NTM: variants seen among roughly 807,000 people sequenced by gnomAD.
NTM encodes IgLON family member 2.
A neutral mutation model predicts 42.1 loss-of-function variants in NTM; 13 were observed. That is an observed-to-expected ratio of 0.31 (90% CI 0.20 to 0.49). NTM has a LOEUF of 0.49. NTM is among the 20% of genes least tolerant of loss of function. NTM has a pLI of 0.99. For synonymous variants in NTM, 187 were observed against 179.2 expected (o/e 1.04, Z -0.35); for missense variants, 373 against 452.8 (o/e 0.82, Z 1.60).
intron 2 of NTM, among the ~76,000 whole-genome samples, chr11:132,095,991 G>A (rs1290117766): frequency 6.6e-6 from 1 of 152,178 alleles, no homozygotes; most frequent in African/African-American, 2.4e-5. Flanking sequence ...CGCTGTGGGA[G>A]GAAGCAGGAT....
intron 1 of NTM, among the ~76,000 whole-genome samples, chr11:131,635,541 A>G (rs1374465053): frequency 1.3e-5 from 2 of 152,190 alleles, no homozygotes; most frequent in African/African-American, 4.8e-5. Flanking sequence ...AAGTACTAAT[A>G]TTACTATAAA....
intron 1 of NTM, among the ~76,000 whole-genome samples, chr11:131,617,933 G>A (rs1027070336): frequency 2.0e-5 from 3 of 152,170 alleles, no homozygotes; most frequent in African/African-American, 7.2e-5. Flanking sequence ...GAGATGGACA[G>A]GGAGGGGGCT....
chr11:131,834,997 A>T (rs1000538102), intron 1 of NTM, among the ~76,000 whole-genome samples: 8 of 152,150 alleles, frequency 5.3e-5, no homozygotes, highest in African/African-American at 1.7e-4. Flanking sequence ...CAGCTTTAAC[A>T]TTCTTACTAT....
intron 1 of NTM, among the ~76,000 whole-genome samples, chr11:131,720,369 C>A (rs766616636): frequency 6.6e-6 from 1 of 152,126 alleles, no homozygotes; most frequent in Non-Finnish European, 1.5e-5. Flanking sequence ...TACCTTTGGA[C>A]AGGGCTATAA....
chr11:131,928,243 G>T (rs2134051565), intron 2 of NTM, among the ~76,000 whole-genome samples: 1 of 152,254 alleles, frequency 6.6e-6, no homozygotes, highest in Middle Eastern at 3.4e-3. Context: ...TTACAGCATG[G>T]CTAGATACTT....
Position 131,435,016 on chromosome 11 carries a change from A to T in NTM, c.82+64128A>T, listed in dbSNP as rs140587085. ...TTCAGCTTTCTACATATGACTAGCC[A>T]GTTTTCCCAGCACCATTTATTAAAT... On this transcript the variant is annotated intron_variant, in intron 1 of 8. Transcript: ENST00000683400. Among the ~76,000 whole-genome samples the T allele has an allele frequency of 3.5e-3, 531 of 152,320 alleles. 5 individuals are homozygous for T. The highest frequency in any genetic ancestry group is 0.011 in the African/African-American group (467 of 41,578).
Position 132,046,134 on chromosome 11 carries a change from C to T in NTM, c.168-100148C>T, listed in dbSNP as rs936916861. 1.5e-4 allele frequency among the ~76,000 whole-genome samples: 23 copies of T among 152,078 alleles called. 1 individual carries two copies. Among genetic ancestry groups the T allele is most frequent in the Admixed American group, 1.4e-3 (21 of 15,268 alleles). ...CTGCAAAATGGGGATAATAATAGTG[C>T]TTACTTCCTAGGATGGTAATGAGGA... is the stretch of plus-strand genomic sequence containing the variant. On this transcript the variant is annotated intron_variant, in intron 2 of 8. Transcript: ENST00000683400.
At chr11:131,699,289 C>G (rs1230835994) in intron 1 of NTM, among the ~76,000 whole-genome samples, 2 of 152,138 alleles carry the variant, frequency 1.3e-5, no homozygotes, top group African/African-American at 4.8e-5. Context: ...GAGTTTTTGT[C>G]CACCTACAAT....
chr11:131,693,587 T>C (rs968832786), intron 1 of NTM, among the ~76,000 whole-genome samples: 4 of 152,048 alleles, frequency 2.6e-5, no homozygotes, highest in Non-Finnish European at 5.9e-5. Context: ...CAGGAGAAAA[T>C]TACCCAGCAC....
chr11:132,144,675 A>T (rs373247952), intron 2 of NTM, among the ~76,000 whole-genome samples: 2 of 152,212 alleles, frequency 1.3e-5, no homozygotes, highest in African/African-American at 4.8e-5. Context: ...TGATTCTAAT[A>T]TAAGTAGTCC....
At chr11:132,042,959 T>A (rs1323071950) in intron 2 of NTM, among the ~76,000 whole-genome samples, 1 of 152,172 alleles carries the variant, frequency 6.6e-6, no homozygotes, top group African/African-American at 2.4e-5. Context: ...TAGAGCCATA[T>A]TTCATTTTCT....
intron 2 of NTM, among the ~76,000 whole-genome samples, chr11:131,946,113 A>G (rs952245201): frequency 6.6e-6 from 1 of 152,142 alleles, no homozygotes; most frequent in Non-Finnish European, 1.5e-5. Flanking sequence ...ATCTGGGTAA[A>G]GGGGGAGATA....
At chr11:131,999,947 C>A (rs184417401) in intron 2 of NTM, among the ~76,000 whole-genome samples, 4 of 152,260 alleles carry the variant, frequency 2.6e-5, no homozygotes, top group Admixed American at 1.3e-4. Flanking sequence ...TCCTCCCCTT[C>A]CTGCGTACTA....
At chr11:131,640,465 T>G (rs79875579) in intron 1 of NTM, among the ~76,000 whole-genome samples, 48 of 152,322 alleles carry the variant, frequency 3.2e-4, no homozygotes, top group African/African-American at 1.1e-3. Flanking sequence ...ATCAGCCGTA[T>G]TTTGGTGTTG....
chr11:131,789,472 GAA>G lies in NTM; in HGVS notation c.83-122091_83-122090del, dbSNP rs1309361015. On this transcript the variant is annotated intron_variant, in intron 1 of 8. Transcript: ENST00000683400. Reference sequence around the variant, plus strand: ...AGAAGAAGAAGAAGAAGAAGAAGAAGAAGAAGAAGAAGAAGAAGAGGAAAGAA... The same window carrying G: ...AGAAGAAGAAGAAGAAGAAGAAGAAGGAAGAAGAAGAAGAAGAGGAAAGAA... 2.5e-3 allele frequency among the ~76,000 whole-genome samples: 31 copies of G among 12,250 alleles called. 1 individual carries two copies. Among genetic ancestry groups the G allele is most frequent in the East Asian group, 0.013 (7 of 548 alleles). 8.0% of individuals were successfully genotyped at this position (12,250 alleles called of 152,430 possible). A position where few individuals can be genotyped will look rare whatever the true frequency, so the allele number is the denominator to read the frequency against.
chr11:131,527,650 C>T (rs536524536), intron 1 of NTM, among the ~76,000 whole-genome samples: 16 of 152,306 alleles, frequency 1.1e-4, no homozygotes, highest in Admixed American at 2.6e-4. Context: ...TTCTTTCCTG[C>T]TATTTCTAAC....
chr11:131,741,364 T>A (rs1401044050), intron 1 of NTM, among the ~76,000 whole-genome samples: 1 of 152,270 alleles, frequency 6.6e-6, no homozygotes, highest in South Asian at 2.1e-4. Flanking sequence ...CCTTCATCAC[T>A]GGGGGTCTGA....
intron 1 of NTM, among the ~76,000 whole-genome samples, chr11:131,820,135 C>T (rs778508703): frequency 1.1e-4 from 17 of 152,270 alleles, no homozygotes; most frequent in Non-Finnish European, 1.8e-4. Context: ...GCTGCTTGGG[C>T]GCAAAGTGGG....
At chr11:131,728,217 C>G (rs1007615167) in intron 1 of NTM, among the ~76,000 whole-genome samples, 2 of 152,188 alleles carry the variant, frequency 1.3e-5, no homozygotes, top group African/African-American at 4.8e-5. Context: ...CAGATCCTAC[C>G]TGTTGAGGGC....
Sources: allele counts gnomAD v4.1 joint callset (sites outside exome capture counted in the v4.1 genomes callset), GRCh38; gene constraint gnomAD v4.1.1; transcripts MANE v1.5; gene names NCBI Gene and HGNC (gene_info 2026-07-23, HGNC 2026-07-21).